The following ANK2 variants were observed in gnomAD, a reference collection of about 807,000 sequenced individuals.
The protein encoded by ANK2 is ankyrin 2, also known as ankyrin-2.
In ANK2, 83 loss-of-function variants were observed where a neutral mutation model predicts 360.5. The ratio of observed to expected loss-of-function variants is 0.23; its 90% CI spans 0.19 to 0.28. The LOEUF (loss-of-function observed/expected upper bound fraction) is 0.28. Among genes scored for constraint, ANK2 ranks in the 10% least tolerant of loss-of-function variants. The probability of loss-of-function intolerance (pLI) is 1.00; values close to 1 mark genes in which losing one functional copy is unlikely to be tolerated. For missense variants in ANK2, 4,201 were observed against 4,795.7 expected (o/e 0.88, Z 3.66); for synonymous variants, 1,740 against 1,759.5 (o/e 0.99, Z 0.28).
intron 14 of ANK2, among the ~76,000 whole-genome samples, chr4:113,268,174 T>C (rs1016572283): frequency 1.8e-4 from 27 of 152,196 alleles, no homozygotes; most frequent in African/African-American, 6.5e-4. Flanking sequence ...GTTTTCAAAA[T>C]ATACAATCAA....
intron 20 of ANK2, among the ~76,000 whole-genome samples, chr4:113,290,304 A>G (rs184598430): frequency 2.8e-4 from 42 of 152,238 alleles, no homozygotes; most frequent in Non-Finnish European, 2.9e-5. Flanking sequence ...CATGAAAATG[A>G]CATCTTTGGG....
At chr4:113,094,392 AC>A (rs2154355368) in intron 1 of ANK2, among the ~76,000 whole-genome samples, 1 of 152,314 alleles carries the variant, frequency 6.6e-6, no homozygotes, top group Non-Finnish European at 1.5e-5. Context: ...TCTCAAAGGA[AC>A]CATGTTCTTA....
intron 1 of ANK2, among the ~76,000 whole-genome samples, chr4:112,862,045 G>T (rs945047333): frequency 6.6e-6 from 1 of 152,194 alleles, no homozygotes; most frequent in Non-Finnish European, 1.5e-5. Context: ...CAACTTCTCT[G>T]CCTCAGTTTC....
intron 1 of ANK2, among the ~76,000 whole-genome samples, chr4:113,058,695 G>A (rs1294957826): frequency 6.6e-6 from 1 of 151,900 alleles, no homozygotes. Flanking sequence ...GCAGAGGGGT[G>A]GCAATACACC....
intron 4 of ANK2, among the ~76,000 whole-genome samples, chr4:113,229,599 G>T (rs1329076744): frequency 6.6e-6 from 1 of 152,206 alleles, no homozygotes; most frequent in Non-Finnish European, 1.5e-5. Flanking sequence ...ACACTTGAGA[G>T]GATGAACCCA....
At chr4:113,318,661 A>G in intron 26 of ANK2, 41 bp downstream of exon 26, 1 of 1,513,326 alleles carries the variant, frequency 6.6e-7, no homozygotes, top group South Asian at 1.2e-5. Flanking sequence ...AAGAGGTAAA[A>G]AGAGATGGGA....
At chr4:112,830,770 C>T (rs1037392752) in intron 1 of ANK2, among the ~76,000 whole-genome samples, 1 of 152,198 alleles carries the variant, frequency 6.6e-6, no homozygotes, top group African/African-American at 2.4e-5. Flanking sequence ...TGGCCAAGGC[C>T]AAAGCCAGCT....
At chr4:113,360,343 G>A (rs2096125542) in intron 38 of ANK2, among the ~76,000 whole-genome samples, 1 of 152,162 alleles carries the variant, frequency 6.6e-6, no homozygotes, top group Non-Finnish European at 1.5e-5. Context: ...AGGATGGCCT[G>A]ATCAGCTCAT....
intron 2 of ANK2, among the ~76,000 whole-genome samples, chr4:112,999,945 G>C (rs1476811657): frequency 6.6e-6 from 1 of 152,110 alleles, no homozygotes; most frequent in Non-Finnish European, 1.5e-5. Flanking sequence ...TTTCCTCTAT[G>C]CTCCTAAGTT....
rs75168458 is a variant in ANK2, at chr4:113,031,380, G to A, written c.21+126866G>A. 468 of 151,968 alleles carry A rather than the reference G, an allele frequency of 3.1e-3. 23 individuals carry two copies. The East Asian group carries it at 0.083, about 27-fold the overall frequency. The allele number at this position is 151,968 out of a possible 1,614,324, so 9.4% of individuals were successfully genotyped here. On this transcript the variant is annotated intron_variant, in intron 2 of 30. Coordinates refer to the ANK2 transcript ENST00000503271. ...TCTTGCCTTGGATCTATTTATTTAA[G>A]GACAGAGAGGATGCCGTGGGGACTG...
intron 6 of ANK2, 86 bp from the exon 7 acceptor site, chr4:113,237,513 C>T: frequency 7.5e-7 from 1 of 1,333,234 alleles, no homozygotes; most frequent in South Asian, 1.2e-5. Flanking sequence ...GAACAGTATA[C>T]CCAATTGCAG....
chr4:112,756,298 A>T, the ANK2 span, among the ~76,000 whole-genome samples: 3 of 151,906 alleles, frequency 2.0e-5, no homozygotes, highest in African/African-American at 4.8e-5. Flanking sequence ...TCTCAGGTTG[A>T]GCATTATAGG....
the ANK2 span, among the ~76,000 whole-genome samples, chr4:112,719,593 T>G: frequency 6.6e-6 from 1 of 151,512 alleles, no homozygotes; most frequent in Non-Finnish European, 1.5e-5. Context: ...CCAGGCGTTG[T>G]GGTGGGCGCC....
intron 1 of ANK2, among the ~76,000 whole-genome samples, chr4:112,882,600 T>C (rs1220568519): frequency 6.6e-6 from 1 of 152,140 alleles, no homozygotes; most frequent in Non-Finnish European, 1.5e-5. Flanking sequence ...AATCAAAGGA[T>C]GCCGTATTTA....
At chr4:113,380,457 TC>T (rs1378892289) in intron 45 of ANK2, among the ~76,000 whole-genome samples, 2 of 152,162 alleles carry the variant, frequency 1.3e-5, no homozygotes, top group Admixed American at 1.3e-4. Context: ...GCTCAGGAGT[TC>T]GAGACCAGCT....
chr4:113,239,484 A>G (rs2099408356), intron 7 of ANK2, among the ~76,000 whole-genome samples: 3 of 152,174 alleles, frequency 2.0e-5, no homozygotes, highest in Admixed American at 2.0e-4. Flanking sequence ...AAACTGCAGG[A>G]TGTGATAGCC....
intron 45 of ANK2, among the ~76,000 whole-genome samples, chr4:113,377,555 A>G (rs748489277): frequency 6.6e-6 from 1 of 152,196 alleles, no homozygotes; most frequent in Non-Finnish European, 1.5e-5. Flanking sequence ...TCTACAAAGT[A>G]CTTTTGCTAT....
chr4:113,296,800 T>C (rs1039919385), intron 22 of ANK2, among the ~76,000 whole-genome samples: 3 of 152,180 alleles, frequency 2.0e-5, no homozygotes, highest in Admixed American at 6.5e-5. Flanking sequence ...CCCAATCCAC[T>C]AATGCAGCTT....
At chr4:112,820,490 T>C (rs2056693601) in intron 1 of ANK2, among the ~76,000 whole-genome samples, 1 of 152,250 alleles carries the variant, frequency 6.6e-6, no homozygotes, top group Admixed American at 6.5e-5. Context: ...GGTGTTTTTT[T>C]CAATTTCTGG....
Sources: allele counts gnomAD v4.1 joint callset (sites outside exome capture counted in the v4.1 genomes callset), GRCh38; gene constraint gnomAD v4.1.1; transcripts MANE v1.5; gene names NCBI Gene and HGNC (gene_info 2026-07-23, HGNC 2026-07-21).